The following TMCO4 variants were observed in gnomAD, a reference collection of about 807,000 sequenced individuals.
TMCO4 encodes the protein transmembrane and coiled-coil domain-containing protein 4.
Under a neutral mutation model 64.7 loss-of-function variants are expected in TMCO4, and 58 were observed. That is an observed-to-expected ratio of 0.90 (90% confidence interval 0.73 to 1.12). The LOEUF (loss-of-function observed/expected upper bound fraction) is 1.12, where lower values mean the gene tolerates loss of function less well. Among genes scored for constraint, TMCO4 ranks in the 50% most tolerant of loss-of-function variants. The pLI is 0.00. For missense variants in TMCO4, 780 were observed against 825.9 expected (o/e 0.94, Z 0.68); for synonymous variants, 325 against 346.1 (o/e 0.94, Z 0.68).
intron 13 of TMCO4, among the ~76,000 whole-genome samples, chr1:19,702,274 T>G (rs1162614444): frequency 2.2e-5 from 3 of 137,836 alleles, no homozygotes; most frequent in South Asian, 2.4e-4. Flanking sequence ...TGGCCGAGAC[T>G]CTTGTCTTTA....
At chr1:19,757,145 G>C in intron 6 of TMCO4, among the ~76,000 whole-genome samples, 1 of 128,826 alleles carries the variant, frequency 7.8e-6, no homozygotes, top group South Asian at 3.1e-4. Flanking sequence ...ACAAAAATTA[G>C]CCAGGCGTGG....
At chr1:19,771,552 G>T in intron 4 of TMCO4, 70 bp from the exon 5 acceptor site, 1 of 1,506,254 alleles carries the variant, frequency 6.6e-7, no homozygotes, top group Non-Finnish European at 8.9e-7. Flanking sequence ...GTGTAGATTA[G>T]TTGTGGTCAC....
At chr1:19,769,640 G>A (rs1204372651) in intron 6 of TMCO4, among the ~76,000 whole-genome samples, 29 of 152,164 alleles carry the variant, frequency 1.9e-4, no homozygotes, top group Admixed American at 1.8e-3. Flanking sequence ...GCATAAAAGC[G>A]TCTCCCCAGT....
Position 19,732,292 on chromosome 1 carries a change from C to T in TMCO4, c.1264+5080G>A, listed in dbSNP as rs946638206. Reference sequence around the variant, plus strand: ...GCTCAAGTGATCCTCCTGCCTCAGCCTCCCAAGTAGCTGGGGCTACATGCA... The same window carrying T: ...GCTCAAGTGATCCTCCTGCCTCAGCTTCCCAAGTAGCTGGGGCTACATGCA... On this transcript the variant is annotated intron_variant, in intron 13 of 15. Coordinates refer to ENST00000294543, the MANE Select transcript of TMCO4 (RefSeq NM_181719.7). This position sits in a 1 kb window ranked among gnomAD's most constrained non-coding sequence, Gnocchi z 4.8. 1.3e-5 allele frequency among the ~76,000 whole-genome samples: 2 copies of T among 152,182 alleles called. No individual in the cohort carries two copies. The highest frequency in any genetic ancestry group is 2.4e-5 in the African/African-American group (1 of 41,454).
intron 4 of TMCO4, among the ~76,000 whole-genome samples, chr1:19,771,730 C>T (rs1010139820): frequency 6.6e-6 from 1 of 152,188 alleles, no homozygotes; most frequent in South Asian, 2.1e-4. Flanking sequence ...AATCTTGGCT[C>T]ATCCCAACCT....
At chr1:19,769,507 A>G (rs2042888298) in intron 6 of TMCO4, among the ~76,000 whole-genome samples, 1 of 152,072 alleles carries the variant, frequency 6.6e-6, no homozygotes. Context: ...TCCTTCCACT[A>G]GGAGGGTTCC....
chr1:19,685,081 T>A (rs1260072026), intron 15 of TMCO4, among the ~76,000 whole-genome samples: 1 of 152,162 alleles, frequency 6.6e-6, no homozygotes, highest in East Asian at 1.9e-4. Flanking sequence ...TCCCAGCACT[T>A]TGGGAGGCCA....
At chr1:19,787,409 G>A (rs1374152348) in intron 2 of TMCO4, among the ~76,000 whole-genome samples, 1 of 152,228 alleles carries the variant, frequency 6.6e-6, no homozygotes, top group Non-Finnish European at 1.5e-5. Flanking sequence ...TGTACCCTGA[G>A]CTGTGGTCAC....
chr1:19,736,355 C>T (rs2095454548), intron 13 of TMCO4, among the ~76,000 whole-genome samples: 1 of 152,176 alleles, frequency 6.6e-6, no homozygotes, highest in Admixed American at 6.5e-5. Context: ...CTCCCATGAC[C>T]CATGTGGATT....
chr1:19,728,355 G>A (rs1406472478), intron 13 of TMCO4, among the ~76,000 whole-genome samples: 5 of 152,222 alleles, frequency 3.3e-5, no homozygotes, highest in Admixed American at 2.0e-4. Flanking sequence ...TGTGAGGGTG[G>A]AAGAGAATGT....
intron 13 of TMCO4, among the ~76,000 whole-genome samples, chr1:19,731,492 G>A (rs934126562): frequency 2.0e-5 from 3 of 152,206 alleles, no homozygotes; most frequent in Non-Finnish European, 4.4e-5. Context: ...TGGGTGCGTG[G>A]TGGGTTTGGA....
intron 13 of TMCO4, among the ~76,000 whole-genome samples, chr1:19,733,212 A>G (rs143685694): frequency 0.014 from 2,168 of 152,242 alleles, 38 homozygotes; most frequent in African/African-American, 0.049. Context: ...AGTTGCAGTG[A>G]GCTGAGATGG....
Position 19,693,164 on chromosome 1 carries a change from C to CA in TMCO4, c.1500+1269dup, listed in dbSNP as rs57031243. On this transcript the variant is annotated intron_variant, in intron 15 of 15. Transcript: ENST00000294543. ...CTCCAGCCTGAGCGAGACCCCATCTCAAAAAAAAAAAAAAAAAAAAAAAAA... is the reference window on the plus strand; with the variant it reads ...CTCCAGCCTGAGCGAGACCCCATCTCAAAAAAAAAAAAAAAAAAAAAAAAAA... Among the ~76,000 whole-genome samples, 150 of 19,970 alleles carry CA rather than the reference C, an allele frequency of 7.5e-3. 32 individuals are homozygous for CA. The highest frequency in any genetic ancestry group is 0.02 in the South Asian group (7 of 342). 13.1% of individuals were successfully genotyped at this position (19,970 alleles called of 152,430 possible).
At position 19,733,031 on chromosome 1, in the gene TMCO4, C is replaced by T. The variant is rs538179495; in HGVS notation, c.1264+4341G>A. Among the ~76,000 whole-genome samples the T allele has an allele frequency of 6.3e-4, 96 of 152,106 alleles. 3 individuals are homozygous for T. The Middle Eastern group carries it at 0.014, about 22-fold the overall frequency. On this transcript the variant is annotated intron_variant, in intron 13 of 15. Coordinates refer to ENST00000294543, the MANE Select transcript of TMCO4 (RefSeq NM_181719.7). The stretch of plus-strand genomic sequence containing the variant: ...CTGTAATGCCAGCACTTTGGGAGGC[C>T]GAGGTGGGTGGATCACTTGAGGTCG...
intron 3 of TMCO4, among the ~76,000 whole-genome samples, chr1:19,784,811 G>A (rs1467776271): frequency 1.0e-5 from 1 of 98,350 alleles, no homozygotes; most frequent in East Asian, 3.1e-4. Flanking sequence ...GGCCACACAT[G>A]AAATACACTA....
intron 4 of TMCO4, among the ~76,000 whole-genome samples, chr1:19,774,262 C>T (rs1296082806): frequency 6.6e-6 from 1 of 152,170 alleles, no homozygotes; most frequent in Non-Finnish European, 1.5e-5. Context: ...GTCCTGCTGT[C>T]CACGAAGAAA....
chr1:19,797,737 G>A (rs1439757403), intron 2 of TMCO4, among the ~76,000 whole-genome samples: 8 of 151,878 alleles, frequency 5.3e-5, no homozygotes, highest in East Asian at 1.9e-4. Flanking sequence ...GATGGTGGGC[G>A]CCTGTAGTTC....
At chr1:19,697,364 T>C (rs867155310) in intron 14 of TMCO4, among the ~76,000 whole-genome samples, 310 of 133,602 alleles carry the variant, frequency 2.3e-3, no homozygotes, top group Middle Eastern at 0.011. Flanking sequence ...CTCAAGCCAT[T>C]CTCCCACCTC....
At position 19,793,598 on chromosome 1, in the gene TMCO4, C is replaced by T. The variant is rs149202443; in HGVS notation, c.-101+4539G>A. Among the ~76,000 whole-genome samples, 277 of 152,290 alleles carry T rather than the reference C, an allele frequency of 1.8e-3. 1 individual carries two copies. Among genetic ancestry groups the T allele is most frequent in the Middle Eastern group, 6.8e-3 (2 of 294 alleles). On this transcript the variant is annotated intron_variant, in intron 2 of 15. Transcript: ENST00000294543. The stretch of plus-strand genomic sequence containing the variant: ...TCAGTGAGGCATCTCAGGAGGTCTC[C>T]ATGACAACAGTTCCAACGTAGAAGA...
Sources: gnomAD v4.1 joint callset for allele counts (sites outside exome capture counted in the v4.1 genomes callset) on GRCh38, gnomAD v4.1.1 for gene constraint, Gnocchi (gnomAD v3.1) non-coding constraint, MANE v1.5 for transcripts, NCBI Gene and HGNC (gene_info 2026-07-23, HGNC 2026-07-21) for gene names.